MGAT4C: variants seen among roughly 807,000 people sequenced by gnomAD.
The protein encoded by MGAT4C is MGAT4 family member C, also known as alpha-1,3-mannosyl-glycoprotein 4-beta-N-acetylglucosaminyltransferase C.
Under a neutral mutation model 40.1 loss-of-function variants are expected in MGAT4C, and 19 were observed. That is an observed-to-expected ratio of 0.47 (90% CI 0.33 to 0.70). The LOEUF (loss-of-function observed/expected upper bound fraction) is 0.70, where lower values mean the gene tolerates loss of function less well. MGAT4C is among the 30% of genes least tolerant of loss of function. MGAT4C has a pLI of 0.02. For missense variants in MGAT4C, 491 were observed against 563.2 expected, an observed-to-expected ratio of 0.87 and a Z score of 1.30; for synonymous variants, 181 against 187.1, an observed-to-expected ratio of 0.97 and a Z score of 0.27.
intron 1 of MGAT4C, among the ~76,000 whole-genome samples, chr12:86,152,634 G>A (rs1300813656): frequency 2.6e-5 from 4 of 152,174 alleles, no homozygotes; most frequent in East Asian, 1.9e-4. Flanking sequence ...TATCACACAG[G>A]GCTACTCTAT....
chr12:86,805,742 A>G (rs566946870), intron 1 of MGAT4C, among the ~76,000 whole-genome samples: 1 of 152,142 alleles, frequency 6.6e-6, no homozygotes, highest in South Asian at 2.1e-4. Context: ...ATACCAAGTA[A>G]TGGGATTGCT....
chr12:86,544,410 T>C (rs1213589507), intron 2 of MGAT4C, among the ~76,000 whole-genome samples: 5 of 152,180 alleles, frequency 3.3e-5, no homozygotes, highest in South Asian at 2.1e-4. Flanking sequence ...TTTATTTGTA[T>C]CCTCAGTTTA....
At chr12:86,110,073 G>A (rs1876955251) in intron 1 of MGAT4C, among the ~76,000 whole-genome samples, 1 of 150,424 alleles carries the variant, frequency 6.6e-6, no homozygotes, top group African/African-American at 2.4e-5. Flanking sequence ...AGGGTCAGAA[G>A]AATGCCAAAA....
At chr12:86,587,980 A>T (rs920385647) in intron 2 of MGAT4C, among the ~76,000 whole-genome samples, 1 of 151,986 alleles carries the variant, frequency 6.6e-6, no homozygotes, top group African/African-American at 2.4e-5. Context: ...AACTTCCAAC[A>T]CTATGTTGAA....
chr12:86,495,547 C>G (rs947565395), intron 2 of MGAT4C, among the ~76,000 whole-genome samples: 6 of 151,930 alleles, frequency 3.9e-5, no homozygotes, highest in Non-Finnish European at 5.9e-5. Flanking sequence ...CCAGGCTGGG[C>G]TCAGCTAGGC....
In MGAT4C at chr12:86,623,766, A is replaced by G. The variant is rs190483931; in HGVS notation, c.-229+103443T>C. 1.9e-4 allele frequency among the ~76,000 whole-genome samples: 29 copies of G among 152,344 alleles called. No individual in the cohort carries two copies. The East Asian group carries it at 5.2e-3, about 27-fold the overall frequency. On this transcript the variant is annotated intron_variant, in intron 2 of 7. Coordinates refer to the MGAT4C transcript ENST00000548651. Reference sequence around the variant, plus strand: ...AAAAGTTAACACCAGTCTGAGAACAATGTATGAAACATTTGTCAAACAAAA... The same window carrying G: ...AAAAGTTAACACCAGTCTGAGAACAGTGTATGAAACATTTGTCAAACAAAA...
chr12:86,495,976 G>A (rs1480755176), intron 2 of MGAT4C, among the ~76,000 whole-genome samples: 5 of 151,574 alleles, frequency 3.3e-5, no homozygotes, highest in East Asian at 1.9e-4. Context: ...TTCCTGCCCC[G>A]CTATATAAAC....
chr12:86,413,583 A>G (rs1410307371), intron 3 of MGAT4C, among the ~76,000 whole-genome samples: 4 of 152,204 alleles, frequency 2.6e-5, no homozygotes, highest in African/African-American at 9.6e-5. Context: ...TGAAATAGAA[A>G]AGGAAGAGGC....
intron 2 of MGAT4C, among the ~76,000 whole-genome samples, chr12:86,490,884 T>C (rs557552174): frequency 1.1e-4 from 17 of 151,982 alleles, no homozygotes; most frequent in Non-Finnish European, 2.5e-4. Context: ...ATATATGCAC[T>C]CAATACAGGA....
chr12:86,444,055 G>A (rs571312203), intron 2 of MGAT4C, among the ~76,000 whole-genome samples: 26 of 151,962 alleles, frequency 1.7e-4, no homozygotes, highest in Non-Finnish European at 3.8e-4. Flanking sequence ...TACTTCATTT[G>A]TCTCTCTAGT....
chr12:86,047,618 G>A (rs916199135), intron 2 of MGAT4C, among the ~76,000 whole-genome samples: 1 of 152,122 alleles, frequency 6.6e-6, no homozygotes. Flanking sequence ...AAGTATAATA[G>A]CAAATGCTCT....
intron 3 of MGAT4C, among the ~76,000 whole-genome samples, chr12:86,404,024 A>G (rs2136238752): frequency 6.6e-6 from 1 of 152,290 alleles, no homozygotes; most frequent in African/African-American, 2.4e-5. Context: ...AAGACTGTAC[A>G]TTAAAACCTT....
chr12:86,577,034 G>T (rs2136428754), intron 2 of MGAT4C, among the ~76,000 whole-genome samples: 1 of 151,454 alleles, frequency 6.6e-6, no homozygotes, highest in Non-Finnish European at 1.5e-5. Flanking sequence ...CTCTTCTTTT[G>T]TTATGTTAAT....
chr12:86,455,617 T>C (rs1957496397), intron 2 of MGAT4C, among the ~76,000 whole-genome samples: 2 of 152,032 alleles, frequency 1.3e-5, no homozygotes, highest in African/African-American at 2.4e-5. Context: ...AACACAGAAG[T>C]CCCACATTTA....
At chr12:86,600,048 G>A (rs911005616) in intron 2 of MGAT4C, among the ~76,000 whole-genome samples, 1 of 152,030 alleles carries the variant, frequency 6.6e-6, no homozygotes, top group Non-Finnish European at 1.5e-5. Context: ...TAGCAAACAG[G>A]GTGCTAAAAG....
intron 1 of MGAT4C, among the ~76,000 whole-genome samples, chr12:86,174,947 C>A (rs950927620): frequency 6.6e-6 from 1 of 152,082 alleles, no homozygotes; most frequent in East Asian, 1.9e-4. Flanking sequence ...TAATCACTTT[C>A]ATTTGTCACC....
intron 1 of MGAT4C, among the ~76,000 whole-genome samples, chr12:86,238,288 G>T (rs548136137): frequency 4.6e-5 from 7 of 152,012 alleles, no homozygotes; most frequent in African/African-American, 1.7e-4. Context: ...TCTTTGCAAA[G>T]AATAATCCAT....
intron 1 of MGAT4C, among the ~76,000 whole-genome samples, chr12:86,099,526 T>A (rs1013069092): frequency 2.0e-5 from 3 of 151,426 alleles, no homozygotes; most frequent in Non-Finnish European, 4.4e-5. Context: ...AATAACTCCA[T>A]CAGAAAGTGA....
At chr12:86,502,221 A>C (rs1418924169) in intron 2 of MGAT4C, among the ~76,000 whole-genome samples, 1 of 152,064 alleles carries the variant, frequency 6.6e-6, no homozygotes, top group Admixed American at 6.6e-5. Context: ...TTAAATACCT[A>C]TTCATAAGTG....
Sources: gnomAD v4.1 joint callset for allele counts (sites outside exome capture counted in the v4.1 genomes callset) on GRCh38, gnomAD v4.1.1 for gene constraint, MANE v1.5 for transcripts, NCBI Gene and HGNC (gene_info 2026-07-23, HGNC 2026-07-21) for gene names.